Variants in GCNT2 observed in about 807,000 individuals in gnomAD.
GCNT2 encodes the protein N-acetyllactosaminide beta-1,6-N-acetylglucosaminyl-transferase.
In GCNT2, 34 loss-of-function variants were observed where a neutral mutation model predicts 34.2. That is an observed-to-expected ratio of 1.00 (90% CI 0.76 to 1.32). The LOEUF is 1.32. Among genes scored for constraint, GCNT2 ranks in the 40% most tolerant of loss-of-function variants. GCNT2 has a pLI of 0.00. For synonymous variants in GCNT2, 212 were observed against 188.0 expected (o/e 1.13, Z -1.04); for missense variants, 584 against 489.4 (o/e 1.19, Z -1.82).
Position 10,585,076 on chromosome 6 carries a change from TGTGC to T in GCNT2, c.926-36273_926-36270del, listed in dbSNP as rs879442198. ...GTGTGTGTGTGTGTGTGTGTGTGTG[TGTGC>T]GCGCTATATTCTGACACATCATTAG... On this transcript the variant is annotated intron_variant, in intron 3 of 4. Transcript: ENST00000495262. Among the ~76,000 whole-genome samples, 822 of 90,522 alleles carry T rather than the reference TGTGC, an allele frequency of 9.1e-3. 7 individuals carry two copies. The highest frequency in any genetic ancestry group is 0.011 in the Admixed American group (112 of 10,094). 59.4% of individuals were successfully genotyped at this position (90,522 alleles called of 152,430 possible). A position where few individuals can be genotyped will look rare whatever the true frequency, so the allele number is the denominator to read the frequency against.
At chr6:10,616,290 C>G (rs990397386) in intron 3 of GCNT2, among the ~76,000 whole-genome samples, 1 of 149,656 alleles carries the variant, frequency 6.7e-6, no homozygotes, top group Non-Finnish European at 1.5e-5. Context: ...GTGAGTGTTA[C>G]CACTCATATA....
chr6:10,598,620 A>C (rs187530568), intron 3 of GCNT2, among the ~76,000 whole-genome samples: 1 of 152,206 alleles, frequency 6.6e-6, no homozygotes, highest in Admixed American at 6.5e-5. Context: ...CTGAGTACCA[A>C]GTACTTACAC....
chr6:10,602,452 C>T (rs1311759707), intron 3 of GCNT2, among the ~76,000 whole-genome samples: 2 of 152,194 alleles, frequency 1.3e-5, no homozygotes, highest in Admixed American at 6.5e-5. Flanking sequence ...GAAGAAGTGC[C>T]AGGCCTAGGT....
At chr6:10,521,749 T>C (rs1228263976) in intron 1 of GCNT2, among the ~76,000 whole-genome samples, 13 of 152,008 alleles carry the variant, frequency 8.6e-5, no homozygotes, top group Admixed American at 8.5e-4. Flanking sequence ...TCTAAATCAT[T>C]AGTATCCTTC....
chr6:10,601,405 T>G (rs1765080998), intron 3 of GCNT2, among the ~76,000 whole-genome samples: 1 of 152,168 alleles, frequency 6.6e-6, no homozygotes, highest in African/African-American at 2.4e-5. Context: ...ACTTTTATTC[T>G]GAAAACACAT....
At chr6:10,542,855 A>G (rs1434200488) in intron 3 of GCNT2, among the ~76,000 whole-genome samples, 1 of 144,432 alleles carries the variant, frequency 6.9e-6, no homozygotes, top group African/African-American at 2.5e-5. Context: ...TCTCCTGGGT[A>G]GATACCAAGA....
chr6:10,531,179 A>C (rs181167121), intron 3 of GCNT2, among the ~76,000 whole-genome samples: 4 of 152,322 alleles, frequency 2.6e-5, no homozygotes, highest in African/African-American at 9.6e-5. Context: ...CCTAAGCCTG[A>C]TGTTCTTTTT....
intron 3 of GCNT2, among the ~76,000 whole-genome samples, chr6:10,617,107 G>C (rs531669497): frequency 6.6e-6 from 1 of 152,320 alleles, no homozygotes; most frequent in South Asian, 2.1e-4. Context: ...CATGGAGCAG[G>C]GAGGGGTGCT....
At chr6:10,556,135 A>G in intron 3 of GCNT2, 2 of 1,310,380 alleles carry the variant, frequency 1.5e-6, no homozygotes, top group Non-Finnish European at 1.9e-6. Context: ...AACAGCTAGC[A>G]GATGCAAACG....
intron 3 of GCNT2, among the ~76,000 whole-genome samples, chr6:10,538,663 A>G (rs1472877271): frequency 2.0e-5 from 3 of 151,786 alleles, no homozygotes; most frequent in African/African-American, 2.4e-5. Context: ...AAAAGATTGT[A>G]ATTTCCCCAG....
rs749611359 is a variant in GCNT2 at position 10,586,578 on chromosome 6, C to A, written c.926-34773C>A. ...CAACACCTGTGGACAAGACTTCCCC[C>A]TGAAAACCAACCGGGAGATAGTTCA... On this transcript the variant is annotated intron_variant, in intron 3 of 4. Coordinates refer to ENST00000495262, the MANE Select transcript of GCNT2 (RefSeq NM_145649.5). 14 of 1,614,146 alleles carry A rather than the reference C, an allele frequency of 8.7e-6. No individual in the cohort carries two copies. In the South Asian group the frequency reaches 1.5e-4, roughly 18 times the overall value.
chr6:10,603,097 C>A (rs1208236582), intron 3 of GCNT2, among the ~76,000 whole-genome samples: 1 of 152,156 alleles, frequency 6.6e-6, no homozygotes, highest in Non-Finnish European at 1.5e-5. Flanking sequence ...CAGAATCTCT[C>A]ATTTCTGGAA....
rs755202412 is a variant in GCNT2, at chr6:10,528,956, C to G, written c.45C>G (p.Ile15Met). The G allele has an allele frequency of 6.8e-5, 109 of 1,613,982 alleles. 1 individual carries two copies. The highest frequency in any genetic ancestry group is 9.2e-5 in the Non-Finnish European group (108 of 1,179,870). The change falls in exon 3 of 5, where the codon ATC becomes ATG. Residue 15 changes from isoleucine to methionine, a missense_variant. Coordinates refer to ENST00000495262, the MANE Select transcript of GCNT2 (RefSeq NM_145649.5). ...WKHCLFSASLISALIFVFVYN... is the reference protein window; with the variant it reads ...WKHCLFSASLMSALIFVFVYN... ...ACTGTCTTTTTAGCGCGTCTCTTAT[C>G]TCTGCCCTGATTTTTGTATTTGTTT...
At chr6:10,556,113 G>C in intron 3 of GCNT2, 1 of 1,262,308 alleles carries the variant, frequency 7.9e-7, no homozygotes, top group Non-Finnish European at 1.0e-6. Flanking sequence ...AGAGTTACCG[G>C]AGTTTTAGCA....
intron 3 of GCNT2, among the ~76,000 whole-genome samples, chr6:10,602,523 T>C (rs1160106615): frequency 6.6e-6 from 1 of 152,222 alleles, no homozygotes; most frequent in Non-Finnish European, 1.5e-5. Flanking sequence ...ACATTAGGCT[T>C]GCAATAGATA....
intron 3 of GCNT2, among the ~76,000 whole-genome samples, chr6:10,592,810 CG>C (rs1267970813): frequency 6.6e-6 from 1 of 151,804 alleles, no homozygotes; most frequent in Non-Finnish European, 1.5e-5. Context: ...GGTGTGGTCT[CG>C]GCTCACACAA....
chr6:10,573,087 G>C lies in GCNT2; in HGVS notation c.925+43251G>C, dbSNP rs566344578. 7 of 598,700 alleles carry C rather than the reference G, an allele frequency of 1.2e-5. No homozygotes were observed. The South Asian group carries it at 4.5e-4, about 39-fold the overall frequency. The allele number at this position is 598,700 out of a possible 1,614,324, so 37.1% of individuals were successfully genotyped here. On this transcript the variant is annotated intron_variant, in intron 3 of 4. Coordinates refer to ENST00000495262, the MANE Select transcript of GCNT2 (RefSeq NM_145649.5). ...AAATTAGAAGTTGCAAGAAATCACT[G>C]CCTATCTCTATTTTAAGACTTTTGT...
intron 3 of GCNT2, among the ~76,000 whole-genome samples, chr6:10,579,841 A>ACCCC (rs1269044263): frequency 2.7e-5 from 4 of 148,846 alleles, no homozygotes; most frequent in African/African-American, 1.0e-4. Context: ...AAAAAAAAAA[A>ACCCC]AAAAAAACAA....
intron 3 of GCNT2, among the ~76,000 whole-genome samples, chr6:10,568,441 C>A (rs1763381709): frequency 6.6e-6 from 1 of 152,160 alleles, no homozygotes; most frequent in South Asian, 2.1e-4. Flanking sequence ...CATTACTGTT[C>A]TTAACTCTGG....
Sources: allele counts gnomAD v4.1 joint callset (sites outside exome capture counted in the v4.1 genomes callset), GRCh38; gene constraint gnomAD v4.1.1; transcripts MANE v1.5; gene names NCBI Gene and HGNC (gene_info 2026-07-23, HGNC 2026-07-21).